Variants in PALLD observed in about 807,000 individuals in gnomAD.
PALLD encodes the protein palladin, cytoskeletal associated protein, also known as palladin.
In PALLD, 61 loss-of-function variants were observed where a neutral mutation model predicts 123.5. That is an observed-to-expected ratio of 0.49 (90% CI 0.40 to 0.61). The LOEUF is 0.61. Among genes scored for constraint, PALLD ranks in the 20% least tolerant of loss-of-function variants. The pLI is 0.00. For synonymous variants in PALLD, 465 were observed against 496.4 expected (o/e 0.94, Z 0.84); for missense variants, 1,273 against 1,377.0 (o/e 0.92, Z 1.20).
At chr4:168,645,795 A>G (rs1777389485) in intron 2 of PALLD, among the ~76,000 whole-genome samples, 1 of 152,182 alleles carries the variant, frequency 6.6e-6, no homozygotes, top group South Asian at 2.1e-4. Context: ...TTTCTAGTGC[A>G]AACGGGGCTG....
At chr4:168,640,526 A>G (rs1401321738) in intron 2 of PALLD, among the ~76,000 whole-genome samples, 1 of 152,232 alleles carries the variant, frequency 6.6e-6, no homozygotes, top group Non-Finnish European at 1.5e-5. Flanking sequence ...GGATAAAATA[A>G]GAGATCACCA....
chr4:168,558,050 C>T (rs1298698405), intron 2 of PALLD, among the ~76,000 whole-genome samples: 5 of 152,266 alleles, frequency 3.3e-5, no homozygotes, highest in Non-Finnish European at 5.9e-5. Context: ...CAGAGCCCTT[C>T]GTCTCCTCAT....
chr4:168,606,223 A>ATTG (rs1165560778), intron 2 of PALLD, among the ~76,000 whole-genome samples: 6 of 151,952 alleles, frequency 3.9e-5, no homozygotes, highest in South Asian at 4.2e-4. Flanking sequence ...TGGACACTTT[A>ATTG]TTGTTGTTGT....
intron 10 of PALLD, among the ~76,000 whole-genome samples, chr4:168,736,250 A>G (rs888174119): frequency 2.6e-5 from 4 of 152,238 alleles, no homozygotes; most frequent in African/African-American, 7.2e-5. Flanking sequence ...TCTGGTATGT[A>G]TACATACTTA....
intron 8 of PALLD, 23 bp downstream of exon 8, chr4:168,691,315 T>G (rs1301184355): frequency 6.2e-7 from 1 of 1,602,938 alleles, no homozygotes; most frequent in South Asian, 1.1e-5. Flanking sequence ...TTAGGGTTTT[T>G]TTTTTTGGTG....
chr4:168,768,690 T>C (rs756919365), intron 10 of PALLD, among the ~76,000 whole-genome samples: 2 of 152,252 alleles, frequency 1.3e-5, no homozygotes, highest in Non-Finnish European at 2.9e-5. Context: ...TTTTGTTTTT[T>C]TGAGATGGAG....
At chr4:168,865,196 AG>A (rs1750088718) in intron 10 of PALLD, among the ~76,000 whole-genome samples, 1 of 152,246 alleles carries the variant, frequency 6.6e-6, no homozygotes, top group South Asian at 2.1e-4. Flanking sequence ...AGGAATGTCA[AG>A]GTCAGCTGGT....
chr4:168,923,790 C>G (rs896177795), intron 18 of PALLD, among the ~76,000 whole-genome samples: 1 of 152,108 alleles, frequency 6.6e-6, no homozygotes, highest in Admixed American at 6.5e-5. Context: ...TTAAGAGTTA[C>G]AAATATTCAG....
chr4:168,570,215 T>C (rs1768832971), intron 2 of PALLD, among the ~76,000 whole-genome samples: 1 of 152,208 alleles, frequency 6.6e-6, no homozygotes, highest in Admixed American at 6.5e-5. Context: ...TAATTGTCTG[T>C]CTATTTAACG....
chr4:168,846,006 T>A (rs1746788961), intron 10 of PALLD, among the ~76,000 whole-genome samples: 1 of 152,248 alleles, frequency 6.6e-6, no homozygotes, highest in African/African-American at 2.4e-5. Flanking sequence ...TGCAATAATC[T>A]GAGATGGCAA....
intron 15 of PALLD, 58 bp from the exon 16 acceptor site, chr4:168,913,869 G>C (rs1582135437): frequency 2.7e-6 from 3 of 1,106,312 alleles, no homozygotes; most frequent in East Asian, 2.4e-5. Flanking sequence ...AGGCATGATA[G>C]TGCTTAGTGG....
intron 2 of PALLD, among the ~76,000 whole-genome samples, chr4:168,599,459 A>G (rs1772322014): frequency 6.6e-6 from 1 of 152,254 alleles, no homozygotes; most frequent in African/African-American, 2.4e-5. Context: ...TGTTACAGAT[A>G]GACTGTCACA....
At chr4:168,743,857 A>T (rs896975983) in intron 10 of PALLD, among the ~76,000 whole-genome samples, 2 of 152,164 alleles carry the variant, frequency 1.3e-5, no homozygotes, top group Non-Finnish European at 2.9e-5. Flanking sequence ...ATCTGTGGAC[A>T]TCTCCCAGAT....
rs765465265 is a variant in PALLD, at chr4:168,579,748, AATTTT to A, written c.908+67347_908+67351del. ...CATGTAAGACATAATTTTTTTCTGG[AATTTT>A]ATTTTATTTTGACAGATAAAAATTA... is the stretch of plus-strand genomic sequence containing the variant. On this transcript the variant is annotated intron_variant, in intron 2 of 21. Coordinates refer to ENST00000505667, the MANE Select transcript of PALLD (RefSeq NM_001166108.2). 5.9e-5 allele frequency among the ~76,000 whole-genome samples: 9 copies of A among 152,092 alleles called. 1 individual carries two copies. Among genetic ancestry groups the A allele is most frequent in the Middle Eastern group, 3.4e-3 (1 of 294 alleles).
At chr4:168,566,221 C>CAATTCTTTAAATT (rs572082493) in intron 2 of PALLD, among the ~76,000 whole-genome samples, 17,774 of 152,056 alleles carry the variant, frequency 0.12, 1,415 homozygotes, top group South Asian at 0.17. Context: ...TAGATTTAGA[C>CAATTCTTTAAATT]CTTGTTTTAA....
At position 168,855,115 on chromosome 4, in the gene PALLD, G is replaced by A. The variant is rs547530887; in HGVS notation, c.1965-35807G>A. ...TTTTTTTTTTTTTTTTTTTTGAGACGGAGTCTCACTCTGTTGCCAGGCTGG... is the reference window on the plus strand; with the variant it reads ...TTTTTTTTTTTTTTTTTTTTGAGACAGAGTCTCACTCTGTTGCCAGGCTGG... On this transcript the variant is annotated intron_variant, in intron 10 of 21. Transcript: ENST00000505667. Among the ~76,000 whole-genome samples the A allele has an allele frequency of 1.2e-3, 151 of 124,494 alleles. No homozygotes were observed. The Middle Eastern group carries it at 0.014, about 12-fold the overall frequency. The allele number at this position is 124,494 out of a possible 152,430, so 81.7% of individuals were successfully genotyped here.
intron 8 of PALLD, among the ~76,000 whole-genome samples, chr4:168,705,563 A>G (rs1784145963): frequency 6.6e-6 from 1 of 152,196 alleles, no homozygotes; most frequent in African/African-American, 2.4e-5. Flanking sequence ...ATGTTTGAGC[A>G]ACTTCTTCCT....
intron 3 of PALLD, among the ~76,000 whole-genome samples, chr4:168,675,189 A>AGG (rs375215253): frequency 6.6e-6 from 1 of 152,300 alleles, no homozygotes; most frequent in South Asian, 2.1e-4. Flanking sequence ...GTGGCCCTGA[A>AGG]ATGTGGGATG....
intron 10 of PALLD, among the ~76,000 whole-genome samples, chr4:168,814,543 A>G (rs1019411766): frequency 1.3e-5 from 2 of 152,158 alleles, no homozygotes; most frequent in African/African-American, 4.8e-5. Context: ...GGTTCATAGG[A>G]CGAAATTACT....
Sources: allele counts gnomAD v4.1 joint callset (sites outside exome capture counted in the v4.1 genomes callset), GRCh38; gene constraint gnomAD v4.1.1; transcripts MANE v1.5; gene names NCBI Gene and HGNC (gene_info 2026-07-23, HGNC 2026-07-21).